AFF3: variants seen among roughly 807,000 people sequenced by gnomAD.
The protein encoded by AFF3 is ALF transcription elongation factor 3.
AFF3 carries 32 observed loss-of-function variants against 129.7 expected under a neutral mutation model. The ratio of observed to expected loss-of-function variants is 0.25; its 90% CI spans 0.19 to 0.33. The LOEUF is 0.33. AFF3 is among the 10% of genes least tolerant of loss of function. The pLI is 1.00. For synonymous variants in AFF3, 644 were observed against 635.4 expected (o/e 1.01, Z -0.20); for missense variants, 1,373 against 1,592.0 (o/e 0.86, Z 2.34).
chr2:99,623,632 A>T (rs1210839143), intron 13 of AFF3, among the ~76,000 whole-genome samples: 1 of 152,158 alleles, frequency 6.6e-6, no homozygotes, highest in African/African-American at 2.4e-5. Context: ...TTGAACTGGG[A>T]CACATGAGGC....
chr2:99,842,608 C>G (rs1019485968), intron 7 of AFF3, among the ~76,000 whole-genome samples: 1 of 152,210 alleles, frequency 6.6e-6, no homozygotes, highest in Non-Finnish European at 1.5e-5. Context: ...CAATTAAGAG[C>G]TAGCAACCCC....
At chr2:99,666,700 G>T (rs1686703476) in intron 12 of AFF3, among the ~76,000 whole-genome samples, 1 of 152,116 alleles carries the variant, frequency 6.6e-6, no homozygotes, top group Non-Finnish European at 1.5e-5. Context: ...GAAAGTAAAA[G>T]AATGGAAAAA....
intron 7 of AFF3, among the ~76,000 whole-genome samples, chr2:99,954,316 C>T (rs1427455030): frequency 6.6e-6 from 1 of 152,010 alleles, no homozygotes. Context: ...CATCTTAGGG[C>T]TATTCTGATT....
chr2:99,841,923 T>C lies in AFF3; in HGVS notation c.874-4399A>G, dbSNP rs183930352. 1.3e-3 allele frequency among the ~76,000 whole-genome samples: 202 copies of C among 152,204 alleles called. 2 individuals carry two copies. The highest frequency in any genetic ancestry group is 4.7e-3 in the African/African-American group (194 of 41,520). On this transcript the variant is annotated intron_variant, in intron 7 of 24. Coordinates refer to ENST00000672756, the MANE Select transcript of AFF3 (RefSeq NM_001386135.1). ...CAGTATGAAAATAAAAGAATGCAGA[T>C]AGTATTGGGGTAAATTTCCTCCTCC...
At chr2:99,634,767 T>G (rs945245877) in intron 13 of AFF3, among the ~76,000 whole-genome samples, 1 of 151,906 alleles carries the variant, frequency 6.6e-6, no homozygotes, top group Non-Finnish European at 1.5e-5. Flanking sequence ...TATATTTAAG[T>G]GCAGAACACA....
intron 7 of AFF3, among the ~76,000 whole-genome samples, chr2:99,961,759 C>T (rs1459985443): frequency 6.6e-6 from 1 of 152,178 alleles, no homozygotes; most frequent in East Asian, 1.9e-4. Context: ...TAGAAGAAGG[C>T]AACCCGGACC....
At chr2:99,682,854 G>A (rs1674659503) in intron 11 of AFF3, among the ~76,000 whole-genome samples, 1 of 152,220 alleles carries the variant, frequency 6.6e-6, no homozygotes, top group South Asian at 2.1e-4. Context: ...AGGTGCAGAA[G>A]CTTCAGCAGA....
At chr2:99,666,005 T>A (rs2104383208) in intron 12 of AFF3, among the ~76,000 whole-genome samples, 1 of 152,238 alleles carries the variant, frequency 6.6e-6, no homozygotes, top group East Asian at 1.9e-4. Flanking sequence ...CATAATGAGA[T>A]CAAAAGAACA....
chr2:99,854,129 GTGA>G (rs1438317308), intron 7 of AFF3, among the ~76,000 whole-genome samples: 1 of 152,016 alleles, frequency 6.6e-6, no homozygotes, highest in Admixed American at 6.6e-5. Context: ...ATATTTAAAG[GTGA>G]TGATTAGTTT....
intron 8 of AFF3, among the ~76,000 whole-genome samples, chr2:99,827,278 G>A (rs567412527): frequency 1.3e-5 from 2 of 152,254 alleles, no homozygotes; most frequent in South Asian, 4.1e-4. Flanking sequence ...GGGACCCTGA[G>A]GAACACCAAC....
intron 13 of AFF3, among the ~76,000 whole-genome samples, chr2:99,634,961 T>TCACACACA (rs1480207163): frequency 4.8e-4 from 26 of 54,456 alleles, no homozygotes; most frequent in South Asian, 3.4e-3. Context: ...CTGGATTCTG[T>TCACACACA]CATACACACA....
chr2:100,069,956 A>G (rs1688035572), intron 4 of AFF3, among the ~76,000 whole-genome samples: 1 of 152,158 alleles, frequency 6.6e-6, no homozygotes, highest in Non-Finnish European at 1.5e-5. Context: ...ACGCAGTTAC[A>G]CTCACTCCTT....
At chr2:99,600,099 G>A (rs186720404) in intron 14 of AFF3, among the ~76,000 whole-genome samples, 75 of 152,260 alleles carry the variant, frequency 4.9e-4, no homozygotes, top group African/African-American at 1.3e-3. Flanking sequence ...GGCTTTCATA[G>A]GTTAATGTTG....
At chr2:99,573,775 C>T (rs1487897666) in intron 18 of AFF3, among the ~76,000 whole-genome samples, 2 of 152,144 alleles carry the variant, frequency 1.3e-5, no homozygotes, top group South Asian at 2.1e-4. Flanking sequence ...GTTACGGGCA[C>T]CATGGGGACA....
chr2:99,555,373 G>A (rs959379604), intron 22 of AFF3, among the ~76,000 whole-genome samples: 3 of 152,208 alleles, frequency 2.0e-5, no homozygotes, highest in Admixed American at 1.3e-4. Context: ...ACATCAGATT[G>A]TATTGTTTTA....
At chr2:100,121,930 C>T (rs1225158164) in intron 2 of AFF3, among the ~76,000 whole-genome samples, 2 of 151,604 alleles carry the variant, frequency 1.3e-5, no homozygotes, top group African/African-American at 2.4e-5. Flanking sequence ...GGCGCGGTGG[C>T]GGGCGCCTGT....
chr2:100,019,263 G>A (rs1176121212), intron 4 of AFF3, among the ~76,000 whole-genome samples: 2 of 152,214 alleles, frequency 1.3e-5, no homozygotes, highest in Non-Finnish European at 2.9e-5. Context: ...TAAGGAGATA[G>A]GCTGTGGTTG....
chr2:99,642,017 G>A (rs1684248834), intron 13 of AFF3, among the ~76,000 whole-genome samples: 1 of 152,040 alleles, frequency 6.6e-6, no homozygotes, highest in African/African-American at 2.4e-5. Flanking sequence ...AACATTTTAG[G>A]GATTCAGTAC....
chr2:99,672,178 TCACACACACACACACA>T (rs1177303721), intron 12 of AFF3, among the ~76,000 whole-genome samples: 4 of 56,368 alleles, frequency 7.1e-5, no homozygotes, highest in African/African-American at 2.4e-4. Context: ...AGTTAGCTTC[TCACACACACACACACA>T]CACACACACA....
Sources: gnomAD v4.1 joint callset for allele counts (sites outside exome capture counted in the v4.1 genomes callset) on GRCh38, gnomAD v4.1.1 for gene constraint, MANE v1.5 for transcripts, NCBI Gene and HGNC (gene_info 2026-07-23, HGNC 2026-07-21) for gene names.